The following CAMK2D variants were observed in gnomAD, a reference collection of about 807,000 sequenced individuals.
The protein encoded by CAMK2D is calcium/calmodulin dependent protein kinase II delta.
CAMK2D carries 37 observed loss-of-function variants against 84.0 expected under a neutral mutation model. The observed-to-expected ratio is 0.44, with a 90% CI of 0.34 to 0.58. CAMK2D has a LOEUF of 0.58. Among genes scored for constraint, CAMK2D ranks in the 20% least tolerant of loss-of-function variants. The pLI is 0.02. For missense variants in CAMK2D, 448 were observed against 652.5 expected (o/e 0.69, Z 3.41); for synonymous variants, 202 against 212.5 (o/e 0.95, Z 0.43).
chr4:113,692,752 A>G (rs1380573589), intron 2 of CAMK2D, among the ~76,000 whole-genome samples: 1 of 152,000 alleles, frequency 6.6e-6, no homozygotes, highest in Non-Finnish European at 1.5e-5. Flanking sequence ...ATTCATATAT[A>G]CATACATACA....
At chr4:113,610,231 A>C (rs2098994415) in intron 3 of CAMK2D, among the ~76,000 whole-genome samples, 1 of 152,076 alleles carries the variant, frequency 6.6e-6, no homozygotes, top group African/African-American at 2.4e-5. Context: ...TGGTAGCCCC[A>C]GTGAATTCTT....
intron 4 of CAMK2D, among the ~76,000 whole-genome samples, chr4:113,584,398 T>C (rs937157878): frequency 2.0e-5 from 3 of 152,168 alleles, no homozygotes; most frequent in African/African-American, 7.2e-5. Flanking sequence ...TTCCTGAGCT[T>C]CTCTCTTCAC....
At chr4:113,519,748 CATTT>C (rs1485085461) in intron 8 of CAMK2D, among the ~76,000 whole-genome samples, 1 of 152,118 alleles carries the variant, frequency 6.6e-6, no homozygotes, top group African/African-American at 2.4e-5. Context: ...TTGTAGATAA[CATTT>C]ATTCAGAGTT....
intron 2 of CAMK2D, among the ~76,000 whole-genome samples, chr4:113,726,374 C>CT (rs34696947): frequency 0.13 from 9,246 of 69,592 alleles, 618 homozygotes; most frequent in East Asian, 0.19. Flanking sequence ...TTTGCTTGGG[C>CT]TTTTTTTTTT....
chr4:113,609,106 T>C, intron 4 of CAMK2D, 46 bp downstream of exon 4: 4 of 984,886 alleles, frequency 4.1e-6, no homozygotes, highest in South Asian at 1.3e-5. Context: ...TTCAAAACGG[T>C]CCTCAATTAG....
At chr4:113,743,288 T>C (rs2099596921) in intron 2 of CAMK2D, among the ~76,000 whole-genome samples, 1 of 152,216 alleles carries the variant, frequency 6.6e-6, no homozygotes, top group African/African-American at 2.4e-5. Context: ...GAAAAATTAA[T>C]GTAAACAAAA....
chr4:113,499,590 G>A (rs1174076763), intron 16 of CAMK2D, among the ~76,000 whole-genome samples: 1 of 152,026 alleles, frequency 6.6e-6, no homozygotes, highest in Non-Finnish European at 1.5e-5. Flanking sequence ...GATACTATTA[G>A]GTCAGTAATC....
At chr4:113,731,588 T>A (rs1325922923) in intron 2 of CAMK2D, among the ~76,000 whole-genome samples, 1 of 149,102 alleles carries the variant, frequency 6.7e-6, no homozygotes, top group Non-Finnish European at 1.5e-5. Context: ...GTTATTGCTT[T>A]TTTTTTTTTT....
At chr4:113,687,821 A>ACC (rs2099364385) in intron 2 of CAMK2D, among the ~76,000 whole-genome samples, 1 of 152,178 alleles carries the variant, frequency 6.6e-6, no homozygotes, top group South Asian at 2.1e-4. Flanking sequence ...ATCATCAGGC[A>ACC]CCCTACCTGT....
chr4:113,640,588 A>G (rs1042596592), intron 3 of CAMK2D, among the ~76,000 whole-genome samples: 2 of 152,230 alleles, frequency 1.3e-5, no homozygotes, highest in South Asian at 2.1e-4. Flanking sequence ...GGAGCATTCA[A>G]CTATAGAGAG....
intron 3 of CAMK2D, among the ~76,000 whole-genome samples, chr4:113,660,108 T>C (rs767726396): frequency 6.6e-6 from 1 of 152,228 alleles, no homozygotes; most frequent in Non-Finnish European, 1.5e-5. Context: ...TTGCAAATTC[T>C]ACATCACTGT....
chr4:113,727,282 T>C (rs956700259), intron 2 of CAMK2D, among the ~76,000 whole-genome samples: 5 of 152,132 alleles, frequency 3.3e-5, no homozygotes, highest in Non-Finnish European at 5.9e-5. Context: ...TAAAACTAGC[T>C]TGAAAAAGAA....
At chr4:113,680,392 G>A (rs1301512339) in intron 2 of CAMK2D, among the ~76,000 whole-genome samples, 1 of 152,200 alleles carries the variant, frequency 6.6e-6, no homozygotes, top group African/African-American at 2.4e-5. Context: ...CAGATGTGAG[G>A]TGCCACAAGA....
At chr4:113,689,803 G>C (rs947151258) in intron 2 of CAMK2D, among the ~76,000 whole-genome samples, 10 of 152,034 alleles carry the variant, frequency 6.6e-5, no homozygotes, top group Non-Finnish European at 1.5e-4. Context: ...TCACAAGTTT[G>C]ACAACTTGTA....
chr4:113,504,425 T>A (rs2098098959), intron 14 of CAMK2D, among the ~76,000 whole-genome samples: 1 of 152,324 alleles, frequency 6.6e-6, no homozygotes, highest in Admixed American at 6.5e-5. Flanking sequence ...ATTTAAAACA[T>A]AATAAACAGA....
chr4:113,508,987 G>A (rs1466515486), intron 13 of CAMK2D, among the ~76,000 whole-genome samples: 1 of 152,106 alleles, frequency 6.6e-6, no homozygotes, highest in Admixed American at 6.5e-5. Flanking sequence ...TCCAACAAGA[G>A]TAAATCCCCT....
chr4:113,670,551 C>T (rs1488514512), intron 2 of CAMK2D, among the ~76,000 whole-genome samples: 2 of 151,778 alleles, frequency 1.3e-5, no homozygotes, highest in East Asian at 3.9e-4. Flanking sequence ...TAACTCTACC[C>T]TCAGTCTACA....
chr4:113,614,069 T>C (rs552272351), intron 3 of CAMK2D, among the ~76,000 whole-genome samples: 35 of 152,262 alleles, frequency 2.3e-4, no homozygotes, highest in African/African-American at 7.2e-4. Context: ...TATTATTTTA[T>C]TGAGACTTAA....
In CAMK2D at chr4:113,705,498, G is replaced by A. The variant is rs542081301; in HGVS notation, c.161-43726C>T. On this transcript the variant is annotated intron_variant, in intron 2 of 20. Coordinates refer to ENST00000511664, the MANE Select transcript of CAMK2D (RefSeq NM_001321571.2). ...AAGGCCTTTGCATTTGCTTTTAAAA[G>A]GTAGCCAGTATCTGGCCTTCAAGAA... Among the ~76,000 whole-genome samples the A allele has an allele frequency of 4.6e-5, 7 of 152,196 alleles. No homozygotes were observed. In the East Asian group the frequency reaches 1.4e-3, roughly 29 times the overall value.
Sources: gnomAD v4.1 joint callset for allele counts (sites outside exome capture counted in the v4.1 genomes callset) on GRCh38, gnomAD v4.1.1 for gene constraint, MANE v1.5 for transcripts, NCBI Gene and HGNC (gene_info 2026-07-23, HGNC 2026-07-21) for gene names.